Variants in NDUFAF2 observed in about 807,000 individuals in gnomAD.
NDUFAF2 encodes the protein NADH:ubiquinone oxidoreductase complex assembly factor 2.
In NDUFAF2, 13 loss-of-function variants were observed where a neutral mutation model predicts 22.8. The ratio of observed to expected loss-of-function variants is 0.57; its 90% CI spans 0.37 to 0.91. The LOEUF (loss-of-function observed/expected upper bound fraction) is 0.91. Among genes scored for constraint, NDUFAF2 ranks in the 40% least tolerant of loss-of-function variants. NDUFAF2 has a pLI of 0.01. For synonymous variants in NDUFAF2, 53 were observed against 64.2 expected, an observed-to-expected ratio of 0.83 and a Z score of 0.84; for missense variants, 162 against 195.2, an observed-to-expected ratio of 0.83 and a Z score of 1.01.
At chr5:61,090,521 C>T (rs1258035539) in intron 2 of NDUFAF2, among the ~76,000 whole-genome samples, 1 of 151,924 alleles carries the variant, frequency 6.6e-6, no homozygotes, top group Non-Finnish European at 1.5e-5. Flanking sequence ...GACACCTGTC[C>T]TAGAAGTTGA....
intron 2 of NDUFAF2, 99 bp downstream of exon 2, chr5:61,073,313 CAA>C: frequency 1.1e-6 from 1 of 935,412 alleles, no homozygotes; most frequent in Non-Finnish European, 1.7e-6. Context: ...TTTCTCTTTG[CAA>C]AAAAGTTTTA....
At chr5:60,977,257 A>G (rs1750915083) in intron 1 of NDUFAF2, among the ~76,000 whole-genome samples, 1 of 151,772 alleles carries the variant, frequency 6.6e-6, no homozygotes, top group South Asian at 2.1e-4. Context: ...GTGAGACCCC[A>G]TCTCTACAAA....
intron 3 of NDUFAF2, among the ~76,000 whole-genome samples, chr5:61,106,609 C>CTGT (rs1374281416): frequency 6.6e-6 from 1 of 151,136 alleles, no homozygotes; most frequent in Non-Finnish European, 1.5e-5. Context: ...TGTAGTCACT[C>CTGT]TGTTGTACTA....
intron 1 of NDUFAF2, among the ~76,000 whole-genome samples, chr5:60,972,979 A>G (rs1750856314): frequency 6.6e-6 from 1 of 151,864 alleles, no homozygotes; most frequent in Non-Finnish European, 1.5e-5. Flanking sequence ...TACCATAACC[A>G]AAGAGCTTAT....
chr5:61,124,046 T>C (rs949299191), intron 3 of NDUFAF2, among the ~76,000 whole-genome samples: 6 of 152,154 alleles, frequency 3.9e-5, no homozygotes, highest in Non-Finnish European at 5.9e-5. Context: ...TTGTATTTTA[T>C]GAATTTGCTA....
chr5:60,952,641 A>T (rs185423366), intron 1 of NDUFAF2, among the ~76,000 whole-genome samples: 63 of 152,236 alleles, frequency 4.1e-4, no homozygotes, highest in African/African-American at 1.4e-3. Flanking sequence ...TGTGCTTGAG[A>T]AAAATGTATT....
At chr5:61,018,465 T>G (rs755424572) in intron 1 of NDUFAF2, among the ~76,000 whole-genome samples, 4 of 152,184 alleles carry the variant, frequency 2.6e-5, no homozygotes, top group Non-Finnish European at 5.9e-5. Context: ...CCAATCAGTA[T>G]TTATGTTGGA....
At chr5:61,071,640 G>A (rs974665425) in intron 1 of NDUFAF2, among the ~76,000 whole-genome samples, 2 of 152,200 alleles carry the variant, frequency 1.3e-5, no homozygotes, top group African/African-American at 4.8e-5. Flanking sequence ...GATTGGCTTA[G>A]GAGTGGTAAG....
chr5:60,985,619 A>G (rs750136177), intron 1 of NDUFAF2, among the ~76,000 whole-genome samples: 1 of 152,188 alleles, frequency 6.6e-6, no homozygotes, highest in Non-Finnish European at 1.5e-5. Flanking sequence ...GGTTTGAAAG[A>G]ACATTTTTAT....
chr5:60,972,766 G>A (rs375847456), intron 1 of NDUFAF2, among the ~76,000 whole-genome samples: 6 of 96,140 alleles, frequency 6.2e-5, no homozygotes, highest in African/African-American at 2.2e-4. Context: ...ACTGATATGT[G>A]TATTCTGTTT....
At chr5:61,051,986 G>A (rs1752030013) in intron 1 of NDUFAF2, among the ~76,000 whole-genome samples, 1 of 152,092 alleles carries the variant, frequency 6.6e-6, no homozygotes, top group African/African-American at 2.4e-5. Context: ...CAACTACTTA[G>A]AGAAGTATAA....
chr5:60,975,909 A>G (rs1750896010), intron 1 of NDUFAF2, among the ~76,000 whole-genome samples: 1 of 152,218 alleles, frequency 6.6e-6, no homozygotes, highest in African/African-American at 2.4e-5. Flanking sequence ...TAGGTCATTG[A>G]TAACATTGAC....
intron 3 of NDUFAF2, among the ~76,000 whole-genome samples, chr5:61,107,439 AT>A (rs1329229197): frequency 2.0e-5 from 3 of 150,886 alleles, no homozygotes; most frequent in Non-Finnish European, 4.4e-5. Flanking sequence ...TGTTCATTAG[AT>A]TTTTCCTATT....
intron 1 of NDUFAF2, among the ~76,000 whole-genome samples, chr5:61,020,200 T>C (rs1208438720): frequency 7.9e-5 from 12 of 152,152 alleles, no homozygotes; most frequent in Admixed American, 7.9e-4. Context: ...TCTATAATTA[T>C]TTTCAAAGAA....
intron 3 of NDUFAF2, among the ~76,000 whole-genome samples, chr5:61,144,490 A>G (rs1741106629): frequency 6.6e-6 from 1 of 152,292 alleles, no homozygotes; most frequent in East Asian, 1.9e-4. Context: ...CCTAAAAAAT[A>G]TTTTGTATAT....
At chr5:61,020,554 T>A (rs1269832281) in intron 1 of NDUFAF2, among the ~76,000 whole-genome samples, 1 of 151,020 alleles carries the variant, frequency 6.6e-6, no homozygotes, top group African/African-American at 2.4e-5. Context: ...GTTATGTGTG[T>A]GTGTGTGTGT....
At chr5:61,108,016 A>G (rs1752790036) in intron 3 of NDUFAF2, among the ~76,000 whole-genome samples, 1 of 151,042 alleles carries the variant, frequency 6.6e-6, no homozygotes, top group Non-Finnish European at 1.5e-5. Flanking sequence ...TTATGGCTGC[A>G]TAGTGACATG....
chr5:61,144,753 C>T (rs1306700780), intron 3 of NDUFAF2, among the ~76,000 whole-genome samples: 1 of 152,198 alleles, frequency 6.6e-6, no homozygotes, highest in African/African-American at 2.4e-5. Flanking sequence ...GTCATCAGCT[C>T]TTAGCCTTCC....
At chr5:61,071,509 T>G (rs995766579) in intron 1 of NDUFAF2, among the ~76,000 whole-genome samples, 4 of 152,208 alleles carry the variant, frequency 2.6e-5, no homozygotes, top group African/African-American at 9.7e-5. Flanking sequence ...CCCAGGAGTT[T>G]CCTGTCCACA....
Sources: allele counts gnomAD v4.1 joint callset (sites outside exome capture counted in the v4.1 genomes callset), GRCh38; gene constraint gnomAD v4.1.1; transcripts MANE v1.5; gene names NCBI Gene and HGNC (gene_info 2026-07-23, HGNC 2026-07-21).